The following SVOPL variants were observed in gnomAD, a reference collection of about 807,000 sequenced individuals.
SVOPL encodes putative transporter SVOPL.
Under a neutral mutation model 61.0 loss-of-function variants are expected in SVOPL, and 60 were observed. The observed-to-expected ratio is 0.98, with a 90% CI of 0.80 to 1.22. The LOEUF (loss-of-function observed/expected upper bound fraction) is 1.22. Among genes scored for constraint, SVOPL ranks in the 50% most tolerant of loss-of-function variants. SVOPL has a pLI of 0.00. For synonymous variants in SVOPL, 279 were observed against 250.0 expected, an observed-to-expected ratio of 1.12 and a Z score of -1.09; for missense variants, 662 against 643.9, an observed-to-expected ratio of 1.03 and a Z score of -0.30.
chr7:138,683,098 G>T (rs1295965223), intron 1 of SVOPL, among the ~76,000 whole-genome samples: 1 of 152,050 alleles, frequency 6.6e-6, no homozygotes, highest in Non-Finnish European at 1.5e-5. Flanking sequence ...GCCTCATTAG[G>T]TGTGACAATG....
chr7:138,635,520 G>A (rs1800428886), intron 9 of SVOPL, among the ~76,000 whole-genome samples: 2 of 151,640 alleles, frequency 1.3e-5, no homozygotes, highest in African/African-American at 2.4e-5. Context: ...TTACAGGTGC[G>A]AACCACCACA....
chr7:138,675,664 C>A (rs768527733), intron 3 of SVOPL, among the ~76,000 whole-genome samples: 1 of 151,884 alleles, frequency 6.6e-6, no homozygotes, highest in Non-Finnish European at 1.5e-5. Flanking sequence ...CCCACACAAC[C>A]CTTTCTTATA....
intron 1 of SVOPL, among the ~76,000 whole-genome samples, chr7:138,692,887 A>G (rs76530200): frequency 3.9e-5 from 6 of 152,320 alleles, no homozygotes; most frequent in Admixed American, 1.3e-4. Flanking sequence ...CCAATTACAT[A>G]TAACAAAGGT....
chr7:138,663,480 C>G (rs894421432), intron 4 of SVOPL: 82 of 1,169,378 alleles, frequency 7.0e-5, no homozygotes, highest in Non-Finnish European at 8.4e-5. Context: ...TCTGTTCATG[C>G]GCTGCCTTAT....
chr7:138,629,952 T>C (rs1030206673), intron 10 of SVOPL, 97 bp downstream of exon 10: 100 of 924,854 alleles, frequency 1.1e-4, no homozygotes, highest in Middle Eastern at 2.2e-4. Context: ...GTTAGTCTTA[T>C]GTTTTTCTCC....
At chr7:138,618,186 G>A (rs1799384498) in intron 14 of SVOPL, among the ~76,000 whole-genome samples, 1 of 152,160 alleles carries the variant, frequency 6.6e-6, no homozygotes, top group Non-Finnish European at 1.5e-5. Context: ...TTATTGAGAA[G>A]TATCCATTGG....
rs191155656 is a variant in SVOPL, at chr7:138,675,221, C to T, written c.175-3104G>A. 6.7e-3 allele frequency among the ~76,000 whole-genome samples: 994 copies of T among 149,336 alleles called. 15 individuals are homozygous for T. The highest frequency in any genetic ancestry group is 0.024 in the African/African-American group (953 of 40,512). ...TTTGAGACCAGCCTAGGCAACATAG[C>T]TAGATCTCATCTCAAAAAAAAAGAA... is the stretch of plus-strand genomic sequence containing the variant. On this transcript the variant is annotated intron_variant, in intron 3 of 15. Transcript: ENST00000674285.
chr7:138,670,429 T>C (rs12668659), intron 4 of SVOPL, among the ~76,000 whole-genome samples: 7,409 of 152,184 alleles, frequency 0.049, 379 homozygotes, highest in East Asian at 0.23. Flanking sequence ...TAAGATTGGC[T>C]TTTTGAGAAG....
intron 1 of SVOPL, among the ~76,000 whole-genome samples, chr7:138,686,140 C>T (rs537889410): frequency 1.4e-4 from 20 of 145,626 alleles, no homozygotes; most frequent in Non-Finnish European, 2.6e-4. Flanking sequence ...CCACGGCTCA[C>T]GCCTGTAATC....
intron 9 of SVOPL, among the ~76,000 whole-genome samples, chr7:138,637,465 TATAG>T (rs1189709139): frequency 2.4e-3 from 32 of 13,604 alleles, no homozygotes; most frequent in African/African-American, 7.6e-3. Context: ...GATATATATA[TATAG>T]ATATAGATAT....
chr7:138,661,099 T>C (rs989267511), intron 5 of SVOPL: 222 of 985,448 alleles, frequency 2.3e-4, no homozygotes, highest in Non-Finnish European at 1.1e-4. Context: ...ATTTATTTCA[T>C]GTACTTTAAA....
At chr7:138,627,536 C>A (rs560032825) in intron 11 of SVOPL, 75 bp from the exon 12 acceptor site, 2 of 1,107,450 alleles carry the variant, frequency 1.8e-6, no homozygotes, top group African/African-American at 1.6e-5. Context: ...GGCATGGATT[C>A]ATCCTTGTCG....
chr7:138,662,831 CTA>C, intron 5 of SVOPL: 1 of 1,358,750 alleles, frequency 7.4e-7, no homozygotes, highest in Non-Finnish European at 9.5e-7. Flanking sequence ...TCTTAGAACT[CTA>C]TAATACCCGC....
At chr7:138,677,060 T>C (rs1035265699) in intron 3 of SVOPL, among the ~76,000 whole-genome samples, 6 of 151,998 alleles carry the variant, frequency 3.9e-5, no homozygotes, top group South Asian at 2.1e-4. Context: ...CCCGCCACCA[T>C]GCCCGTCTCA....
At chr7:138,692,540 T>C (rs1802965283) in intron 1 of SVOPL, among the ~76,000 whole-genome samples, 1 of 152,210 alleles carries the variant, frequency 6.6e-6, no homozygotes, top group Non-Finnish European at 1.5e-5. Context: ...GTTGACTTCA[T>C]AGTCATTATA....
At chr7:138,620,474 T>G (rs1430940969) in intron 14 of SVOPL, among the ~76,000 whole-genome samples, 1 of 143,428 alleles carries the variant, frequency 7.0e-6, no homozygotes, top group African/African-American at 2.6e-5. Flanking sequence ...GACTGACAAG[T>G]GCAAAGCAGC....
chr7:138,596,881 AC>A, intron 14 of SVOPL: 1 of 1,086,080 alleles, frequency 9.2e-7, no homozygotes, highest in Non-Finnish European at 1.1e-6. Context: ...TTAACTTCTA[AC>A]TCTCACTTCA....
intron 8 of SVOPL, among the ~76,000 whole-genome samples, chr7:138,648,005 G>A (rs887244584): frequency 6.6e-6 from 1 of 152,164 alleles, no homozygotes; most frequent in African/African-American, 2.4e-5. Context: ...CATAGGGTAG[G>A]TGACATCAAA....
chr7:138,597,161 T>C (rs1659831), intron 14 of SVOPL: 936,790 of 1,287,296 alleles, frequency 0.73, 344,043 homozygotes, highest in African/African-American at 0.9. Flanking sequence ...TCTCATACTT[T>C]AGTTTCTCTT....
Sources: allele counts gnomAD v4.1 joint callset (sites outside exome capture counted in the v4.1 genomes callset), GRCh38; gene constraint gnomAD v4.1.1; transcripts MANE v1.5; gene names NCBI Gene and HGNC (gene_info 2026-07-23, HGNC 2026-07-21).